TRPM6: variants seen among roughly 807,000 people sequenced by gnomAD.
The protein encoded by TRPM6 is channel kinase 2.
Under a neutral mutation model 247.6 loss-of-function variants are expected in TRPM6, and 111 were observed. That is an observed-to-expected ratio of 0.45 (90% CI 0.38 to 0.52). The LOEUF is 0.52. TRPM6 is among the 20% of genes least tolerant of loss of function. The probability of loss-of-function intolerance (pLI) is 0.00; values close to 1 mark genes in which losing one functional copy is unlikely to be tolerated. For missense variants in TRPM6, 2,126 were observed against 2,421.5 expected (o/e 0.88, Z 2.56); for synonymous variants, 892 against 853.8 (o/e 1.04, Z -0.78).
intron 11 of TRPM6, among the ~76,000 whole-genome samples, chr9:74,814,743 G>C (rs1410514803): frequency 1.3e-5 from 2 of 152,172 alleles, no homozygotes; most frequent in Non-Finnish European, 2.9e-5. Flanking sequence ...TTGAGCCTAG[G>C]AGTTCGACCA....
intron 6 of TRPM6, among the ~76,000 whole-genome samples, chr9:74,829,330 C>A (rs566746970): frequency 2.4e-4 from 36 of 152,198 alleles, no homozygotes; most frequent in African/African-American, 8.2e-4. Flanking sequence ...AACAGCCAAC[C>A]AGCCAAACAG....
intron 14 of TRPM6, 133 bp from the exon 15 acceptor site, chr9:74,804,019 A>G (rs539156083): frequency 4.5e-5 from 32 of 713,632 alleles, no homozygotes; most frequent in Non-Finnish European, 6.3e-5. Flanking sequence ...ACCAAATATA[A>G]TGTTGTGTCC....
intron 20 of TRPM6, among the ~76,000 whole-genome samples, chr9:74,787,966 C>T (rs761111126): frequency 2.6e-5 from 4 of 151,970 alleles, no homozygotes; most frequent in Admixed American, 6.6e-5. Context: ...CTGCCTGCCT[C>T]GGCCTCCCAA....
intron 3 of TRPM6, among the ~76,000 whole-genome samples, chr9:74,849,799 G>A (rs909923170): frequency 2.0e-5 from 3 of 152,192 alleles, no homozygotes; most frequent in South Asian, 2.1e-4. Context: ...GATGGCCAAC[G>A]TCATGCAAAT....
At chr9:74,886,576 A>G (rs1303609548) in intron 1 of TRPM6, among the ~76,000 whole-genome samples, 3 of 152,046 alleles carry the variant, frequency 2.0e-5, no homozygotes, top group African/African-American at 7.2e-5. Flanking sequence ...TCAAATCTCA[A>G]ATCTGCTTTT....
intron 30 of TRPM6, among the ~76,000 whole-genome samples, chr9:74,749,214 A>T (rs1001082501): frequency 6.6e-6 from 1 of 152,234 alleles, no homozygotes; most frequent in Non-Finnish European, 1.5e-5. Context: ...CTCAGAATGT[A>T]TCCTGTCGTT....
intron 17 of TRPM6, among the ~76,000 whole-genome samples, chr9:74,798,516 C>T (rs1433644081): frequency 3.9e-5 from 6 of 152,130 alleles, no homozygotes; most frequent in African/African-American, 1.4e-4. Flanking sequence ...TTCTATTGCC[C>T]TTGTGCATTG....
chr9:74,804,586 C>A, intron 14 of TRPM6: 1 of 747,454 alleles, frequency 1.3e-6, no homozygotes, highest in Non-Finnish European at 2.4e-6. Context: ...TGGACTGCTT[C>A]AGCTCCTGAG....
intron 24 of TRPM6, among the ~76,000 whole-genome samples, chr9:74,773,226 C>T (rs1006992142): frequency 6.6e-6 from 1 of 152,200 alleles, no homozygotes; most frequent in Non-Finnish European, 1.5e-5. Flanking sequence ...CATTAATCAA[C>T]CTGTCTTCCA....
chr9:74,752,817 AAAAGAAT>A (rs904392194), intron 28 of TRPM6, among the ~76,000 whole-genome samples: 1 of 152,138 alleles, frequency 6.6e-6, no homozygotes, highest in African/African-American at 2.4e-5. Flanking sequence ...AAAGAACAAT[AAAAGAAT>A]AATAGAGGCC....
intron 21 of TRPM6, among the ~76,000 whole-genome samples, chr9:74,784,441 T>G (rs948770624): frequency 2.0e-5 from 3 of 152,218 alleles, no homozygotes; most frequent in African/African-American, 7.2e-5. Context: ...ATAATAATAC[T>G]ACCTATCTCC....
At chr9:74,823,927 T>C (rs910509767) in intron 7 of TRPM6, among the ~76,000 whole-genome samples, 4 of 151,666 alleles carry the variant, frequency 2.6e-5, no homozygotes, top group Non-Finnish European at 5.9e-5. Context: ...TGTGTGTGTG[T>C]GCGTCTGCAT....
At chr9:74,744,926 A>G (rs1369106814) in intron 31 of TRPM6, among the ~76,000 whole-genome samples, 1 of 152,184 alleles carries the variant, frequency 6.6e-6, no homozygotes, top group Non-Finnish European at 1.5e-5. Context: ...CACTTCCTTT[A>G]GGGAGTGTTG....
rs1564024354 is a variant in TRPM6, at chr9:74,808,175, C to T, written c.1498-1G>A. On this transcript the variant is annotated splice_acceptor_variant, in intron 13 of 38. Transcript: ENST00000360774. LOFTEE classifies it high-confidence loss of function. ...TTCGGTAGCCTGAAAGAAGGGTATG[C>T]TGCAACAAAAACATGCAACGACTTT... The T allele has an allele frequency of 6.2e-7, 1 of 1,613,874 alleles. No individual in the cohort carries two copies. Among genetic ancestry groups the T allele is most frequent in the African/African-American group, 1.3e-5 (1 of 75,030 alleles).
At chr9:74,826,201 A>G (rs1829324406) in intron 7 of TRPM6, among the ~76,000 whole-genome samples, 1 of 152,206 alleles carries the variant, frequency 6.6e-6, no homozygotes, top group Non-Finnish European at 1.5e-5. Flanking sequence ...GTCACAACAA[A>G]CGTTAGACGT....
At position 74,832,292 on chromosome 9, in the gene TRPM6, T is replaced by C. The variant is rs190862144; in HGVS notation, c.669+1706A>G. On this transcript the variant is annotated intron_variant, in intron 6 of 38. Coordinates refer to ENST00000360774, the MANE Select transcript of TRPM6 (RefSeq NM_017662.5). ...AAAAATGAGATGGAGGTAAAATCCA[T>C]AGATTAAAAGTGACAAAAATAAAAG... Among the ~76,000 whole-genome samples, 10 of 152,216 alleles carry C rather than the reference T, an allele frequency of 6.6e-5. No individual in the cohort carries two copies. The East Asian group carries it at 1.7e-3, about 26-fold the overall frequency.
intron 2 of TRPM6, among the ~76,000 whole-genome samples, chr9:74,856,974 G>A (rs1049551292): frequency 2.0e-5 from 3 of 152,046 alleles, no homozygotes; most frequent in African/African-American, 2.4e-5. Flanking sequence ...AATTACAATC[G>A]TTGATACTCT....
At position 74,855,584 on chromosome 9, in the gene TRPM6, A is replaced by T. The variant is rs1026951321; in HGVS notation, c.114-19T>A. The stretch of plus-strand genomic sequence containing the variant: ...AGTACATCTAAATTAAAGAAATAAA[A>T]CCTCTGTTAGTTTGTTGGTGTATCT... On this transcript the variant is annotated intron_variant, in intron 2 of 38. Coordinates refer to ENST00000360774, the MANE Select transcript of TRPM6 (RefSeq NM_017662.5). The T allele has an allele frequency of 2.6e-6, 4 of 1,560,104 alleles. No homozygotes were observed.
intron 37 of TRPM6, among the ~76,000 whole-genome samples, chr9:74,731,061 C>T (rs1825503357): frequency 6.6e-6 from 1 of 152,118 alleles, no homozygotes; most frequent in African/African-American, 2.4e-5. Context: ...CAATCCTTGG[C>T]TTTTGTTTTT....
Sources: gnomAD v4.1 joint callset for allele counts (sites outside exome capture counted in the v4.1 genomes callset) on GRCh38, gnomAD v4.1.1 for gene constraint, MANE v1.5 for transcripts, NCBI Gene and HGNC (gene_info 2026-07-23, HGNC 2026-07-21) for gene names.